Variants in BICC1 observed in about 807,000 individuals in gnomAD.
The protein encoded by BICC1 is BicC family RNA binding protein 1, also known as protein bicaudal C homolog 1.
Under a neutral mutation model 111.0 loss-of-function variants are expected in BICC1, and 43 were observed. That is an observed-to-expected ratio of 0.39 (90% CI 0.30 to 0.50). BICC1 has a LOEUF of 0.50. BICC1 is among the 20% of genes least tolerant of loss of function. The pLI is 0.88. For synonymous variants in BICC1, 467 were observed against 434.4 expected (o/e 1.07, Z -0.93); for missense variants, 1,091 against 1,203.2 (o/e 0.91, Z 1.38).
intron 2 of BICC1, among the ~76,000 whole-genome samples, chr10:58,670,154 C>T (rs1839138577): frequency 6.6e-6 from 1 of 152,090 alleles, no homozygotes; most frequent in South Asian, 2.1e-4. Context: ...TTTGCTTTAT[C>T]ACATATCCAA....
intron 1 of BICC1, among the ~76,000 whole-genome samples, chr10:58,578,994 C>T (rs1844189695): frequency 6.6e-6 from 1 of 152,176 alleles, no homozygotes; most frequent in East Asian, 1.9e-4. Context: ...CTCATGATAT[C>T]TAGATTTCTT....
intron 2 of BICC1, among the ~76,000 whole-genome samples, chr10:58,656,037 A>C (rs1164231881): frequency 6.6e-6 from 1 of 152,208 alleles, no homozygotes; most frequent in African/African-American, 2.4e-5. Context: ...TCCCACAGAA[A>C]TACAGACTAC....
At chr10:58,675,134 G>A (rs1455854178) in intron 2 of BICC1, among the ~76,000 whole-genome samples, 3 of 152,146 alleles carry the variant, frequency 2.0e-5, no homozygotes, top group Non-Finnish European at 2.9e-5. Flanking sequence ...ATTAGATATG[G>A]TTGTGGTGGG....
chr10:58,555,235 A>C (rs949826396), intron 1 of BICC1, among the ~76,000 whole-genome samples: 1 of 145,694 alleles, frequency 6.9e-6, no homozygotes, highest in Non-Finnish European at 1.5e-5. Context: ...TGTACTCTTT[A>C]TTCCTGTTGT....
In BICC1 at chr10:58,792,047, C is replaced by A. The variant is rs142145682; in HGVS notation, c.1048-1437C>A. 2.9e-3 allele frequency among the ~76,000 whole-genome samples: 441 copies of A among 152,264 alleles called. 2 individuals carry two copies. The highest frequency in any genetic ancestry group is 4.1e-3 in the Non-Finnish European group (278 of 68,018). ...CCTCAAGTGATCCACCCACCTAAGC[C>A]TCCCAAAGTGCTGGGATTACAGGCA... On this transcript the variant is annotated intron_variant, in intron 8 of 20. Transcript: ENST00000373886.
intron 2 of BICC1, among the ~76,000 whole-genome samples, chr10:58,635,615 C>T (rs924025056): frequency 2.6e-5 from 4 of 152,196 alleles, no homozygotes; most frequent in Admixed American, 6.5e-5. Flanking sequence ...CAGAATTTCT[C>T]TGACAACTCA....
chr10:58,812,131 G>A (rs373190341), intron 17 of BICC1, among the ~76,000 whole-genome samples: 135 of 152,296 alleles, frequency 8.9e-4, no homozygotes, highest in African/African-American at 3.1e-3. Flanking sequence ...AGCAACAAGA[G>A]TAGAATTAAA....
intron 1 of BICC1, among the ~76,000 whole-genome samples, chr10:58,571,173 A>G (rs1843937885): frequency 6.6e-6 from 1 of 152,156 alleles, no homozygotes; most frequent in South Asian, 2.1e-4. Flanking sequence ...CCAGTTCTGA[A>G]TGGTGTCCTA....
intron 8 of BICC1, among the ~76,000 whole-genome samples, chr10:58,791,326 C>A (rs1744298033): frequency 6.6e-6 from 1 of 152,044 alleles, no homozygotes. Flanking sequence ...TTGACCATAC[C>A]TGCCAAAAAT....
At chr10:58,800,737 T>C (rs1273541008) in intron 13 of BICC1, among the ~76,000 whole-genome samples, 153 bp from the exon 14 acceptor site, 1 of 152,218 alleles carries the variant, frequency 6.6e-6, no homozygotes, top group Non-Finnish European at 1.5e-5. Context: ...AACCTGAACT[T>C]GTTAAGGTGT....
chr10:58,614,277 G>A (rs1169667717), intron 1 of BICC1, among the ~76,000 whole-genome samples: 1 of 152,136 alleles, frequency 6.6e-6, no homozygotes, highest in African/African-American at 2.4e-5. Flanking sequence ...AGTGAATTGA[G>A]TATGCTTCTC....
At chr10:58,795,185 C>T (rs1421531814) in intron 9 of BICC1, among the ~76,000 whole-genome samples, 2 of 152,030 alleles carry the variant, frequency 1.3e-5, no homozygotes, top group Non-Finnish European at 2.9e-5. Context: ...ATCTTATATG[C>T]ATAGAATGGT....
intron 1 of BICC1, among the ~76,000 whole-genome samples, chr10:58,589,421 C>G (rs1844531922): frequency 6.6e-6 from 1 of 151,630 alleles, no homozygotes; most frequent in Non-Finnish European, 1.5e-5. Flanking sequence ...AGCTGGCACA[C>G]AGAGCTAATA....
chr10:58,644,302 G>T (rs2132225038), intron 2 of BICC1, among the ~76,000 whole-genome samples: 1 of 152,264 alleles, frequency 6.6e-6, no homozygotes, highest in Admixed American at 6.5e-5. Context: ...AAGAAAATTG[G>T]CTCAAAGACT....
chr10:58,715,078 A>G (rs1840696358), intron 3 of BICC1, among the ~76,000 whole-genome samples: 1 of 151,990 alleles, frequency 6.6e-6, no homozygotes, highest in African/African-American at 2.4e-5. Context: ...AAAAAAAAAA[A>G]AAGATTAAAA....
At chr10:58,780,907 C>T (rs191219818) in intron 3 of BICC1, among the ~76,000 whole-genome samples, 1 of 152,120 alleles carries the variant, frequency 6.6e-6, no homozygotes, top group East Asian at 1.9e-4. Flanking sequence ...CAATTGTTGC[C>T]TTGTTAAGTC....
chr10:58,819,958 C>T (rs938383596), intron 19 of BICC1, among the ~76,000 whole-genome samples: 1 of 152,174 alleles, frequency 6.6e-6, no homozygotes, highest in African/African-American at 2.4e-5. Context: ...TCAATCCTTT[C>T]AATCCTGTGT....
chr10:58,626,916 C>T (rs1487083652), intron 2 of BICC1, among the ~76,000 whole-genome samples: 1 of 152,100 alleles, frequency 6.6e-6, no homozygotes, highest in Non-Finnish European at 1.5e-5. Flanking sequence ...ACCAGCCTGA[C>T]CAACATGGAG....
chr10:58,704,633 C>G (rs4367897), intron 3 of BICC1, among the ~76,000 whole-genome samples: 1 of 151,990 alleles, frequency 6.6e-6, no homozygotes, highest in Non-Finnish European at 1.5e-5. Flanking sequence ...AATTGTTGGT[C>G]TTTAGAGCTT....
Sources: allele counts gnomAD v4.1 joint callset (sites outside exome capture counted in the v4.1 genomes callset), GRCh38; gene constraint gnomAD v4.1.1; transcripts MANE v1.5; gene names NCBI Gene and HGNC (gene_info 2026-07-23, HGNC 2026-07-21).